Variants in APLF observed in about 807,000 individuals in gnomAD.
APLF encodes the protein aprataxin and PNK-like factor.
APLF carries 61 observed loss-of-function variants against 55.6 expected under a neutral mutation model. That is an observed-to-expected ratio of 1.10 (90% CI 0.89 to 1.36). The LOEUF is 1.36. Among genes scored for constraint, APLF ranks in the 40% most tolerant of loss-of-function variants. The pLI is 0.00. For missense variants in APLF, 611 were observed against 602.5 expected (o/e 1.01, Z -0.15); for synonymous variants, 207 against 214.8 (o/e 0.96, Z 0.32).
rs1290028114 is a variant in APLF, at chr2:68,562,375, T to C, written c.1287-4966T>C. On this transcript the variant is annotated intron_variant, in intron 8 of 9. Coordinates refer to ENST00000303795, the MANE Select transcript of APLF (RefSeq NM_173545.3). Reference sequence around the variant, plus strand: ...TGGACTGATCTGTGAAAAATGTAATTGAAAACCAGCTGGAGAGAGATACTT... The same window carrying C: ...TGGACTGATCTGTGAAAAATGTAATCGAAAACCAGCTGGAGAGAGATACTT... Among the ~76,000 whole-genome samples the C allele has an allele frequency of 2.0e-5, 3 of 152,028 alleles. No individual in the cohort carries two copies. In the East Asian group the frequency reaches 5.8e-4, roughly 29 times the overall value.
At chr2:68,574,974 C>T (rs541255031) in intron 9 of APLF, among the ~76,000 whole-genome samples, 7 of 152,174 alleles carry the variant, frequency 4.6e-5, no homozygotes, top group East Asian at 1.9e-4. Context: ...ACATGTTAAG[C>T]GCTGTTGTCT....
At chr2:68,568,358 A>G in intron 9 of APLF, 11 of 954,352 alleles carry the variant, frequency 1.2e-5, no homozygotes, top group Non-Finnish European at 1.2e-5. Context: ...CAAGTAAGTG[A>G]TGAAAGTAAA....
At chr2:68,556,903 A>G (rs924539476) in intron 8 of APLF, among the ~76,000 whole-genome samples, 13 of 152,178 alleles carry the variant, frequency 8.5e-5, no homozygotes, top group African/African-American at 2.7e-4. Context: ...ACAGAACACA[A>G]TGTTTTACCA....
intron 1 of APLF, among the ~76,000 whole-genome samples, chr2:68,481,041 A>G (rs1459059193): frequency 6.6e-6 from 1 of 152,052 alleles, no homozygotes; most frequent in African/African-American, 2.4e-5. Flanking sequence ...TTTTGAATCT[A>G]TATGTTCATC....
At chr2:68,565,510 G>GATACATAC (rs1422589936) in intron 8 of APLF, among the ~76,000 whole-genome samples, 2 of 144,254 alleles carry the variant, frequency 1.4e-5, no homozygotes, top group Non-Finnish European at 1.5e-5. Flanking sequence ...CAGATAGACA[G>GATACATAC]ATAGATACAT....
intron 8 of APLF, among the ~76,000 whole-genome samples, chr2:68,556,868 T>A (rs1036069647): frequency 6.6e-6 from 1 of 152,206 alleles, no homozygotes; most frequent in African/African-American, 2.4e-5. Context: ...TAATACTGAA[T>A]CTGCAACATG....
At chr2:68,484,787 A>C (rs1395861136) in intron 1 of APLF, among the ~76,000 whole-genome samples, 1 of 151,994 alleles carries the variant, frequency 6.6e-6, no homozygotes, top group Admixed American at 6.5e-5. Context: ...ACTTGGAGCC[A>C]GGAGTTTGAG....
chr2:68,578,364 C>T lies in APLF; in HGVS notation c.*342C>T. On this transcript the variant is annotated 3_prime_UTR_variant, in exon 10 of 10. Coordinates refer to ENST00000303795, the MANE Select transcript of APLF (RefSeq NM_173545.3). ...ACTTTGGTCTTTTTAAATTTTTTTC[C>T]AAAGATTATGGAGTACTCTGCAAGT... 9.7e-7 allele frequency: 1 copy of T among 1,025,854 alleles called. No individual in the cohort carries two copies. Among genetic ancestry groups the T allele is most frequent in the Middle Eastern group, 4.9e-4 (1 of 2,032 alleles). 63.5% of individuals were successfully genotyped at this position (1,025,854 alleles called of 1,614,324 possible).
intron 1 of APLF, among the ~76,000 whole-genome samples, chr2:68,486,345 G>A (rs985088373): frequency 1.3e-5 from 2 of 152,104 alleles, no homozygotes; most frequent in Non-Finnish European, 2.9e-5. Context: ...GAGAAGTGGT[G>A]CCTTTTCTGA....
chr2:68,523,219 C>T (rs1470774646), intron 5 of APLF, among the ~76,000 whole-genome samples: 3 of 151,844 alleles, frequency 2.0e-5, no homozygotes, highest in Admixed American at 6.6e-5. Flanking sequence ...GTAAATATTA[C>T]GACTTTACTA....
rs1363831919 is a variant in APLF, at chr2:68,565,970, C to T, written c.1287-1371C>T. Reference sequence around the variant, plus strand: ...GGTGAACTTCATCTCCTTAGGCTCACATTGCTCATCTGTCACCTGGAGGAG... The same window carrying T: ...GGTGAACTTCATCTCCTTAGGCTCATATTGCTCATCTGTCACCTGGAGGAG... On this transcript the variant is annotated intron_variant, in intron 8 of 9. Transcript: ENST00000303795. Among the ~76,000 whole-genome samples the T allele has an allele frequency of 2.0e-5, 3 of 152,078 alleles. 1 individual carries two copies. Among genetic ancestry groups the T allele is most frequent in the Non-Finnish European group, 1.5e-5 (1 of 67,996 alleles).
At chr2:68,505,384 T>G (rs565056128) in intron 3 of APLF, among the ~76,000 whole-genome samples, 1 of 152,204 alleles carries the variant, frequency 6.6e-6, no homozygotes, top group African/African-American at 2.4e-5. Context: ...TCATTTATAT[T>G]GATTCAAATT....
intron 8 of APLF, among the ~76,000 whole-genome samples, chr2:68,556,786 A>T (rs1314239737): frequency 6.6e-6 from 1 of 152,152 alleles, no homozygotes; most frequent in East Asian, 1.9e-4. Flanking sequence ...CCTATTTTTT[A>T]AAATTATAAT....
At chr2:68,556,764 A>G (rs1671027644) in intron 8 of APLF, among the ~76,000 whole-genome samples, 2 of 152,194 alleles carry the variant, frequency 1.3e-5, no homozygotes, top group Admixed American at 1.3e-4. Flanking sequence ...GATGTCTTTC[A>G]GAAGCTAGTG....
intron 8 of APLF, chr2:68,563,098 G>GGAA: frequency 7.1e-6 from 7 of 985,148 alleles, no homozygotes; most frequent in Non-Finnish European, 8.4e-6. Flanking sequence ...GCTTTAGGTT[G>GGAA]GAAGTTCAGT....
At position 68,513,241 on chromosome 2, in the gene APLF, TATCTC is replaced by T. The variant is rs909828165; in HGVS notation, c.489+18_489+22del. ...ACAAATAGTGTGGTGAGAAATTTGA[TATCTC>T]ATCCATTTATAACATGTTCTTCAAG... On this transcript the variant is annotated intron_variant, in intron 4 of 9. Coordinates refer to ENST00000303795, the MANE Select transcript of APLF (RefSeq NM_173545.3). The T allele has an allele frequency of 5.0e-6, 8 of 1,593,988 alleles. No individual in the cohort carries two copies. Among genetic ancestry groups the T allele is most frequent in the Non-Finnish European group, 6.0e-6 (7 of 1,172,882 alleles).
At chr2:68,551,009 ACTT>A (rs1573252546) in intron 8 of APLF, among the ~76,000 whole-genome samples, 1 of 152,000 alleles carries the variant, frequency 6.6e-6, no homozygotes, top group Non-Finnish European at 1.5e-5. Flanking sequence ...AGTTTTAAAA[ACTT>A]CTTTGCGTTT....
intron 8 of APLF, among the ~76,000 whole-genome samples, chr2:68,546,781 A>C (rs1670719719): frequency 6.6e-6 from 1 of 151,850 alleles, no homozygotes; most frequent in African/African-American, 2.4e-5. Context: ...ATATCTACAA[A>C]AAATTTATAG....
intron 1 of APLF, among the ~76,000 whole-genome samples, chr2:68,485,581 C>T (rs2103898065): frequency 6.6e-6 from 1 of 152,134 alleles, no homozygotes; most frequent in South Asian, 2.1e-4. Context: ...TCCCAACAGA[C>T]CTTTTTCTTG....
Sources: allele counts gnomAD v4.1 joint callset (sites outside exome capture counted in the v4.1 genomes callset), GRCh38; gene constraint gnomAD v4.1.1; transcripts MANE v1.5; gene names NCBI Gene and HGNC (gene_info 2026-07-23, HGNC 2026-07-21).